SYN2: variants seen among roughly 807,000 people sequenced by gnomAD.
The protein encoded by SYN2 is synapsin-2.
A neutral mutation model predicts 50.9 loss-of-function variants in SYN2; 19 were observed. That is an observed-to-expected ratio of 0.37 (90% CI 0.26 to 0.55). SYN2 has a LOEUF of 0.55. Ranked by LOEUF, SYN2 falls within the 20% of genes least tolerant of loss-of-function variation. SYN2 has a pLI of 0.81. For missense variants in SYN2, 587 were observed against 576.4 expected, an observed-to-expected ratio of 1.02 and a Z score of -0.19; for synonymous variants, 255 against 224.9, an observed-to-expected ratio of 1.13 and a Z score of -1.20.
chr3:12,185,853 A>G, intron 11 of SYN2: 1 of 812,750 alleles, frequency 1.2e-6, no homozygotes, highest in Non-Finnish European at 1.5e-6. Flanking sequence ...TGCTAATGCA[A>G]ATGATGCCAA....
At chr3:12,142,105 T>C in intron 3 of SYN2, 109 bp downstream of exon 3, 2 of 688,600 alleles carry the variant, frequency 2.9e-6, no homozygotes, top group South Asian at 1.6e-5. Context: ...AGCAGTGCTA[T>C]GTATGGTATA....
chr3:12,125,415 AT>A (rs1696648914), intron 1 of SYN2, among the ~76,000 whole-genome samples: 1 of 152,208 alleles, frequency 6.6e-6, no homozygotes, highest in Non-Finnish European at 1.5e-5. Flanking sequence ...AAATAAACAG[AT>A]TTGCATTTCT....
At chr3:12,009,738 C>A (rs932759407) in intron 1 of SYN2, among the ~76,000 whole-genome samples, 64 of 152,288 alleles carry the variant, frequency 4.2e-4, no homozygotes, top group Middle Eastern at 3.4e-3. Context: ...ATTAGTGACA[C>A]CAGCAATTAC....
intron 1 of SYN2, among the ~76,000 whole-genome samples, chr3:12,068,954 T>G (rs1160478911): frequency 6.6e-6 from 1 of 152,220 alleles, no homozygotes; most frequent in Non-Finnish European, 1.5e-5. Flanking sequence ...AGGTCACCAC[T>G]TATCTGCTTT....
rs150575526 is a variant in SYN2 at position 12,121,842 on chromosome 3, C to T, written c.378-18809C>T. Reference sequence around the variant, plus strand: ...GCTGGCAGGTCCAAAATCTGTAGGGCAGGCTACAGGCTGGAAACTTGGGCA... The same window carrying T: ...GCTGGCAGGTCCAAAATCTGTAGGGTAGGCTACAGGCTGGAAACTTGGGCA... On this transcript the variant is annotated intron_variant, in intron 1 of 12. Coordinates refer to ENST00000621198, the MANE Select transcript of SYN2 (RefSeq NM_133625.6). Among the ~76,000 whole-genome samples the T allele has an allele frequency of 4.5e-3, 689 of 152,206 alleles. 5 individuals carry two copies. The highest frequency in any genetic ancestry group is 0.015 in the African/African-American group (637 of 41,522).
chr3:12,160,189 A>G (rs1697614719), intron 5 of SYN2, among the ~76,000 whole-genome samples: 1 of 151,804 alleles, frequency 6.6e-6, no homozygotes, highest in Non-Finnish European at 1.5e-5. Context: ...TTGCTGTGGG[A>G]TGTTTCCACA....
At chr3:12,188,040 T>TA (rs397781991) in intron 12 of SYN2, among the ~76,000 whole-genome samples, 9 of 151,408 alleles carry the variant, frequency 5.9e-5, no homozygotes, top group Non-Finnish European at 1.2e-4. Context: ...AAAAAATTTT[T>TA]AATCTTTCTG....
intron 10 of SYN2, among the ~76,000 whole-genome samples, chr3:12,174,249 G>GACA (rs1201264971): frequency 1.8e-3 from 1 of 548 alleles, no homozygotes; most frequent in Non-Finnish European, 3.6e-3. Context: ...ACTCTTGCTT[G>GACA]ACATCCTTAC....
chr3:12,008,551 C>A (rs12485638), intron 1 of SYN2, among the ~76,000 whole-genome samples: 4,470 of 152,248 alleles, frequency 0.029, 85 homozygotes, highest in Non-Finnish European at 0.039. Context: ...AATAAGATCC[C>A]CAGGTGATTC....
intron 1 of SYN2, among the ~76,000 whole-genome samples, chr3:12,120,774 A>G (rs569770454): frequency 4.6e-5 from 7 of 151,918 alleles, no homozygotes; most frequent in Non-Finnish European, 1.0e-4. Flanking sequence ...GCCATGACCT[A>G]CCTCTATATT....
At position 12,049,906 on chromosome 3, in the gene SYN2, C is replaced by T. The variant is rs578092441; in HGVS notation, c.377+44978C>T. On this transcript the variant is annotated intron_variant, in intron 1 of 12. Transcript: ENST00000621198. ...AAGCAGGCACCAGAACTGTGCAACA[C>T]AAAGCAATCTCGACAGTTTTTGTTT... 1.3e-4 allele frequency among the ~76,000 whole-genome samples: 20 copies of T among 152,264 alleles called. No homozygotes were observed. The South Asian group carries it at 3.9e-3, about 30-fold the overall frequency.
chr3:12,057,260 C>T (rs1186764020), intron 1 of SYN2, among the ~76,000 whole-genome samples: 1 of 149,426 alleles, frequency 6.7e-6, no homozygotes, highest in Non-Finnish European at 1.5e-5. Flanking sequence ...CCACTGCACT[C>T]CAACCTGGGC....
At chr3:12,132,464 G>C (rs913856220) in intron 1 of SYN2, among the ~76,000 whole-genome samples, 8 of 152,314 alleles carry the variant, frequency 5.3e-5, no homozygotes, top group Non-Finnish European at 8.8e-5. Flanking sequence ...ATATTGTGAG[G>C]ATTAATTTGG....
In SYN2 at chr3:12,158,819, C is replaced by T. The variant is rs143705137; in HGVS notation, c.775-2727C>T. On this transcript the variant is annotated intron_variant, in intron 5 of 12. Coordinates refer to ENST00000621198, the MANE Select transcript of SYN2 (RefSeq NM_133625.6). ...CGCAGCAACAGCACCCAGCTTGGCGCGGGCCGAGGGCTCCCAGGCATGACA... is the reference window on the plus strand; with the variant it reads ...CGCAGCAACAGCACCCAGCTTGGCGTGGGCCGAGGGCTCCCAGGCATGACA... The T allele has an allele frequency of 8.6e-5, 137 of 1,595,254 alleles. No individual in the cohort carries two copies. The highest frequency in any genetic ancestry group is 1.1e-4 in the Non-Finnish European group (124 of 1,174,884).
chr3:12,052,887 C>G (rs1694899633), intron 1 of SYN2, among the ~76,000 whole-genome samples: 1 of 152,194 alleles, frequency 6.6e-6, no homozygotes, highest in South Asian at 2.1e-4. Context: ...TCCTACTTAT[C>G]TTCCTTTGAC....
chr3:12,018,857 T>C (rs1316365698), intron 1 of SYN2, among the ~76,000 whole-genome samples: 2 of 152,354 alleles, frequency 1.3e-5, no homozygotes, highest in East Asian at 3.9e-4. Flanking sequence ...TAGGTAGATA[T>C]GAGGAAGAGT....
intron 2 of SYN2, 75 bp downstream of exon 2, chr3:12,140,783 G>A (rs949451700): frequency 5.6e-5 from 40 of 718,342 alleles, no homozygotes; most frequent in East Asian, 5.3e-5. Context: ...GAACCATCTC[G>A]TTCTGCTGAG....
chr3:12,070,795 G>C, intron 1 of SYN2: 1 of 629,594 alleles, frequency 1.6e-6, no homozygotes, highest in Non-Finnish European at 3.0e-6. Context: ...GGACCTGACT[G>C]ACTACCTCAT....
At chr3:12,157,416 T>C in intron 5 of SYN2, 1 of 1,614,144 alleles carries the variant, frequency 6.2e-7, no homozygotes, top group Non-Finnish European at 8.5e-7. Flanking sequence ...CCGGAGCATT[T>C]TTTCAGTGTC....
Sources: allele counts gnomAD v4.1 joint callset (sites outside exome capture counted in the v4.1 genomes callset), GRCh38; gene constraint gnomAD v4.1.1; transcripts MANE v1.5; gene names NCBI Gene and HGNC (gene_info 2026-07-23, HGNC 2026-07-21).